CSGALNACT1: variants seen among roughly 807,000 people sequenced by gnomAD.
CSGALNACT1 encodes chondroitin sulfate N-acetylgalactosaminyltransferase 1.
CSGALNACT1 carries 52 observed loss-of-function variants against 51.0 expected under a neutral mutation model. That is an observed-to-expected ratio of 1.02 (90% CI 0.82 to 1.29). CSGALNACT1 has a LOEUF of 1.29. Ranked by LOEUF, CSGALNACT1 falls within the 50% of genes most tolerant of loss-of-function variation. The pLI is 0.00. For synonymous variants in CSGALNACT1, 341 were observed against 254.4 expected, an observed-to-expected ratio of 1.34 and a Z score of -3.24; for missense variants, 935 against 679.2, an observed-to-expected ratio of 1.38 and a Z score of -4.19.
In CSGALNACT1 at chr8:19,486,980, T is replaced by G. The variant is rs111971229; in HGVS notation, c.634+18221A>C. Reference sequence around the variant, plus strand: ...GCTTGTGTCAATGGATAGCAGGATTTACTACCTGTCCTCTTAGGAAGCCAA... The same window carrying G: ...GCTTGTGTCAATGGATAGCAGGATTGACTACCTGTCCTCTTAGGAAGCCAA... On this transcript the variant is annotated intron_variant, in intron 4 of 9. Coordinates refer to ENST00000454498, the Ensembl canonical transcript of CSGALNACT1. 5.5e-3 allele frequency among the ~76,000 whole-genome samples: 839 copies of G among 152,308 alleles called. 8 individuals carry two copies. Among genetic ancestry groups the G allele is most frequent in the African/African-American group, 0.019 (790 of 41,562 alleles).
chr8:19,570,940 AAAC>A (rs932538293), intron 3 of CSGALNACT1, among the ~76,000 whole-genome samples: 2 of 152,076 alleles, frequency 1.3e-5, no homozygotes, highest in Admixed American at 6.5e-5. Context: ...CAAAAACAAC[AAAC>A]AACAACAACA....
At chr8:19,547,776 T>C (rs746348605) in intron 3 of CSGALNACT1, among the ~76,000 whole-genome samples, 4 of 152,214 alleles carry the variant, frequency 2.6e-5, no homozygotes, top group African/African-American at 4.8e-5. Context: ...AAAAGGGAGA[T>C]GGATCACTGA....
At chr8:19,433,306 C>A (rs1176212869) in intron 6 of CSGALNACT1, among the ~76,000 whole-genome samples, 1 of 152,162 alleles carries the variant, frequency 6.6e-6, no homozygotes, top group African/African-American at 2.4e-5. Flanking sequence ...CTTCTTGCTT[C>A]CACAGAGCCT....
At chr8:19,755,456 C>CAGAAAAAAAAA (rs2065298985) in intron 1 of CSGALNACT1, among the ~76,000 whole-genome samples, 1 of 74,532 alleles carries the variant, frequency 1.3e-5, no homozygotes, top group Non-Finnish European at 2.5e-5. Context: ...TAAAGAAAGA[C>CAGAAAAAAAAA]AAAAAAAAAA....
At chr8:19,703,108 C>A (rs1211886228) in intron 1 of CSGALNACT1, among the ~76,000 whole-genome samples, 1 of 152,102 alleles carries the variant, frequency 6.6e-6, no homozygotes, top group African/African-American at 2.4e-5. Flanking sequence ...CACTAGTGTC[C>A]CTCCAATAGG....
At chr8:19,513,755 T>A (rs138813695) in intron 3 of CSGALNACT1, among the ~76,000 whole-genome samples, 2 of 152,086 alleles carry the variant, frequency 1.3e-5, no homozygotes, top group African/African-American at 2.4e-5. Flanking sequence ...CTGTACCACA[T>A]GTGGCTATAA....
chr8:19,754,923 C>T (rs1333775488), intron 1 of CSGALNACT1, among the ~76,000 whole-genome samples: 1 of 152,184 alleles, frequency 6.6e-6, no homozygotes, highest in African/African-American at 2.4e-5. Flanking sequence ...AGCTTTGCCT[C>T]TGTAATAACC....
At chr8:19,651,556 G>A (rs955556961) in intron 1 of CSGALNACT1, among the ~76,000 whole-genome samples, 7 of 152,154 alleles carry the variant, frequency 4.6e-5, no homozygotes, top group Non-Finnish European at 7.4e-5. Context: ...TAGGATAAGG[G>A]CCTCCAGCTC....
At chr8:19,482,875 C>G (rs1563654291) in intron 4 of CSGALNACT1, among the ~76,000 whole-genome samples, 1 of 152,116 alleles carries the variant, frequency 6.6e-6, no homozygotes, top group Non-Finnish European at 1.5e-5. Flanking sequence ...AGAGACAGCT[C>G]AAAGTCACCC....
chr8:19,445,136 T>C (rs74694850), intron 5 of CSGALNACT1, among the ~76,000 whole-genome samples: 2,227 of 152,258 alleles, frequency 0.015, 47 homozygotes, highest in African/African-American at 0.051. Context: ...AGCTCCCACT[T>C]AGCCACAGTC....
chr8:19,647,050 T>A (rs975079480), intron 1 of CSGALNACT1, among the ~76,000 whole-genome samples: 7 of 151,738 alleles, frequency 4.6e-5, no homozygotes, highest in East Asian at 1.9e-4. Context: ...GTAAGCCTAG[T>A]GGTCCCCTAA....
intron 3 of CSGALNACT1, among the ~76,000 whole-genome samples, chr8:19,571,949 C>A (rs960376807): frequency 6.6e-6 from 1 of 152,180 alleles, no homozygotes; most frequent in Non-Finnish European, 1.5e-5. Flanking sequence ...AAACTGCCTG[C>A]CTCATTTTCA....
chr8:19,457,774 T>C, intron 5 of CSGALNACT1: 1 of 1,351,360 alleles, frequency 7.4e-7, no homozygotes, highest in African/African-American at 1.5e-5. Context: ...CACCGCACAA[T>C]CAAGGGCTTA....
intron 1 of CSGALNACT1, among the ~76,000 whole-genome samples, chr8:19,667,044 A>G (rs147514985): frequency 0.093 from 5,019 of 53,956 alleles, 342 homozygotes; most frequent in Non-Finnish European, 0.12. Flanking sequence ...AGGAAGGAAG[A>G]AAGAAAGAAA....
chr8:19,690,464 G>C (rs1019416302), intron 1 of CSGALNACT1, among the ~76,000 whole-genome samples: 7 of 152,096 alleles, frequency 4.6e-5, no homozygotes, highest in Non-Finnish European at 7.3e-5. Flanking sequence ...GTGATATATA[G>C]AACTATTAAA....
At chr8:19,455,019 C>G (rs186839316) in intron 5 of CSGALNACT1, among the ~76,000 whole-genome samples, 263 of 152,158 alleles carry the variant, frequency 1.7e-3, no homozygotes, top group African/African-American at 6.0e-3. Flanking sequence ...TGACTTATTC[C>G]CAGCTGGCAA....
At chr8:19,555,645 G>A (rs2089528626) in intron 3 of CSGALNACT1, among the ~76,000 whole-genome samples, 1 of 152,176 alleles carries the variant, frequency 6.6e-6, no homozygotes, top group Admixed American at 6.5e-5. Flanking sequence ...TGGTTACAAT[G>A]CTGTTTATTG....
intron 5 of CSGALNACT1, among the ~76,000 whole-genome samples, chr8:19,452,421 A>G (rs1004935445): frequency 3.7e-5 from 5 of 136,780 alleles, no homozygotes; most frequent in Non-Finnish European, 8.5e-5. Context: ...CCTGGGGGAA[A>G]AAAAAAAAAA....
intron 4 of CSGALNACT1, among the ~76,000 whole-genome samples, chr8:19,503,805 C>G (rs1250008410): frequency 1.3e-5 from 2 of 151,274 alleles, no homozygotes; most frequent in Admixed American, 1.3e-4. Context: ...TAATCTCACA[C>G]CAAAGATGAT....
Sources: allele counts gnomAD v4.1 joint callset (sites outside exome capture counted in the v4.1 genomes callset), GRCh38; gene constraint gnomAD v4.1.1; transcripts MANE v1.5; gene names NCBI Gene and HGNC (gene_info 2026-07-23, HGNC 2026-07-21).